The following PAK4 variants were observed in gnomAD, a reference collection of about 807,000 sequenced individuals.
PAK4 encodes the protein serine/threonine-protein kinase PAK 4.
PAK4 carries 49 observed loss-of-function variants against 53.5 expected under a neutral mutation model. That is an observed-to-expected ratio of 0.92 (90% CI 0.73 to 1.16). PAK4 has a LOEUF of 1.16. Among genes scored for constraint, PAK4 ranks in the 50% most tolerant of loss-of-function variants. The pLI is 0.00. For synonymous variants in PAK4, 376 were observed against 375.6 expected (o/e 1.00, Z -0.01); for missense variants, 824 against 850.7 (o/e 0.97, Z 0.39).
At chr19:39,132,981 C>T (rs568028325) in intron 1 of PAK4, among the ~76,000 whole-genome samples, 2 of 152,362 alleles carry the variant, frequency 1.3e-5, no homozygotes, top group Non-Finnish European at 2.9e-5. Context: ...ATTTTACTTT[C>T]TCTGAGAAGG....
chr19:39,173,619 G>A lies in PAK4; in HGVS notation c.707G>A (p.Gly236Asp), dbSNP rs368557621. 54 of 1,542,184 alleles carry A rather than the reference G, an allele frequency of 3.5e-5. No individual in the cohort carries two copies. The South Asian group carries it at 3.5e-4, about 10-fold the overall frequency. The change falls in exon 4 of 9, where the codon GGC becomes GAC. Residue 236 changes from glycine to aspartate, a missense_variant. Gly to Asp is a moderately conservative substitution (Grantham distance 94). Coordinates refer to ENST00000358301, the Ensembl canonical transcript of PAK4. The surrounding 1 kb of genome is among the most constrained non-coding windows in gnomAD (Gnocchi z 6.9). ...GCCCCTAACGGGCCATCAGCGGGGGGCCTGGCCATCCCCCAGTCCTCCTCC... is the reference window on the plus strand; with the variant it reads ...GCCCCTAACGGGCCATCAGCGGGGGACCTGGCCATCCCCCAGTCCTCCTCC...
At chr19:39,140,917 C>G (rs1404896492) in intron 1 of PAK4, among the ~76,000 whole-genome samples, 1 of 152,160 alleles carries the variant, frequency 6.6e-6, no homozygotes, top group Non-Finnish European at 1.5e-5. Context: ...AGAACAGGGC[C>G]ACTGTCATTA....
intron 1 of PAK4, among the ~76,000 whole-genome samples, chr19:39,159,790 C>T (rs2074253966): frequency 6.6e-6 from 1 of 152,184 alleles, no homozygotes; most frequent in Non-Finnish European, 1.5e-5. Flanking sequence ...CATGCAGAGG[C>T]CTGGTGGCGG....
intron 1 of PAK4, chr19:39,152,317 C>G (rs756434437): frequency 6.6e-6 from 1 of 152,262 alleles, no homozygotes; most frequent in South Asian, 2.1e-4. Flanking sequence ...GGTGTATGTG[C>G]TACCCATCTG....
intron 2 of PAK4, among the ~76,000 whole-genome samples, chr19:39,170,000 C>T (rs1331738057): frequency 6.6e-6 from 1 of 152,160 alleles, no homozygotes; most frequent in Admixed American, 6.5e-5. Context: ...TCTGACAGCC[C>T]CCACACCAGC....
chr19:39,169,005 G>A (rs1428969013), intron 1 of PAK4, among the ~76,000 whole-genome samples: 4 of 152,166 alleles, frequency 2.6e-5, no homozygotes, highest in East Asian at 1.9e-4. Flanking sequence ...CTAGCGGTGC[G>A]GTGTGGATGC....
rs1156264264 is a variant in PAK4 at position 39,173,116 on chromosome 19, C to T, written c.403C>T (p.Arg135Ter). The T allele has an allele frequency of 3.2e-6, 5 of 1,547,188 alleles. No homozygotes were observed. Among genetic ancestry groups the T allele is most frequent in the Non-Finnish European group, 4.4e-6 (5 of 1,145,572 alleles). The change falls in exon 3 of 9, where the codon CGA becomes TGA. Residue 135 changes from arginine to a stop codon, truncating the protein, a stop_gained. Coordinates refer to ENST00000358301, the Ensembl canonical transcript of PAK4. LOFTEE classifies it high-confidence loss of function. This position sits in a 1 kb window ranked among gnomAD's most constrained non-coding sequence, Gnocchi z 6.9. ...AGGGGGCCCAGGGAAGGCAGGCAGC[C>T]GAGGCCGGTTCGCCGGTCACAGCGA...
At chr19:39,129,816 G>A (rs1237936685) in intron 1 of PAK4, among the ~76,000 whole-genome samples, 1 of 152,190 alleles carries the variant, frequency 6.6e-6, no homozygotes. Flanking sequence ...GGGGGCAGGT[G>A]CCAGGGGTGA....
At chr19:39,175,000 G>A (rs780200774) in exon 5 of PAK4, 35 of 1,613,908 alleles carry the variant, frequency 2.2e-5, no homozygotes, top group East Asian at 1.1e-4. Flanking sequence ...GGTGGGGGAC[G>A]AGCTCTGGGT....
At chr19:39,150,709 G>T (rs1317110049) in intron 1 of PAK4, among the ~76,000 whole-genome samples, 1 of 152,082 alleles carries the variant, frequency 6.6e-6, no homozygotes. Context: ...GGACAACGTA[G>T]TGAGACCTTG....
chr19:39,152,424 A>G (rs908465820), intron 1 of PAK4: 1 of 152,166 alleles, frequency 6.6e-6, no homozygotes, highest in African/African-American at 2.4e-5. Context: ...ATTGTCCCCA[A>G]AGTGCAAGAG....
chr19:39,128,789 C>T (rs549673121), intron 1 of PAK4, among the ~76,000 whole-genome samples: 1 of 152,344 alleles, frequency 6.6e-6, no homozygotes, highest in South Asian at 2.1e-4. Context: ...TGCAGCCTTT[C>T]ATACTTTGAC....
At chr19:39,155,151 A>G (rs2074157323) in intron 1 of PAK4, among the ~76,000 whole-genome samples, 1 of 152,128 alleles carries the variant, frequency 6.6e-6, no homozygotes, top group South Asian at 2.1e-4. Flanking sequence ...CTGGGTGCCC[A>G]TCCTGGGTCC....
intron 1 of PAK4, chr19:39,152,214 A>G (rs537288408): frequency 6.6e-6 from 1 of 152,168 alleles, no homozygotes; most frequent in African/African-American, 2.4e-5. Context: ...GATTACAGGC[A>G]GGAGCCACTG....
chr19:39,126,596 C>CTA (rs959993071), intron 1 of PAK4, among the ~76,000 whole-genome samples: 1 of 152,070 alleles, frequency 6.6e-6, no homozygotes, highest in Non-Finnish European at 1.5e-5. Flanking sequence ...TCAGTCCTCA[C>CTA]TATAGTCTTA....
At chr19:39,180,817 TAGC>T (rs1405804165), downstream of PAK4, 1 of 152,198 alleles carries the variant, frequency 6.6e-6, no homozygotes, top group African/African-American at 2.4e-5. Context: ...TCCAGAAAGA[TAGC>T]AGCTCAGGAG....
chr19:39,169,064 C>A (rs922389213), intron 1 of PAK4, among the ~76,000 whole-genome samples: 1 of 152,152 alleles, frequency 6.6e-6, no homozygotes, highest in Non-Finnish European at 1.5e-5. Flanking sequence ...TCCATGAGTT[C>A]CGGGCTGTGA....
chr19:39,177,683 C>G, exon 8 of PAK4: 1 of 1,612,824 alleles, frequency 6.2e-7, no homozygotes, highest in Non-Finnish European at 8.5e-7. Flanking sequence ...AGGTAGACAT[C>G]TGGTCGCTGG....
Position 39,173,580 on chromosome 19 carries a change from A to G in PAK4, c.668A>G (p.Glu223Gly), listed in dbSNP as rs371684690. Reference sequence around the variant, plus strand: ...GCTACCTCTCTTCTGTTTCAGGGGGAGCCTCATGACGTGGCCCCTAACGGG... The same window carrying G: ...GCTACCTCTCTTCTGTTTCAGGGGGGGCCTCATGACGTGGCCCCTAACGGG... Residue 223 changes from glutamate (E) to glycine (G), a missense_variant, in exon 4 of 9, where the codon GAG (glutamate) becomes GGG (glycine). By Grantham distance (98) the Glu-to-Gly change is moderately conservative (BLOSUM62 -2). Around this residue, in one of 2 missense-constraint regions of PAK4, gnomAD observed 478 missense variants for 435.8 expected, o/e 1.10. Coordinates refer to ENST00000358301, the Ensembl canonical transcript of PAK4. The surrounding 1 kb of genome is among the most constrained non-coding windows in gnomAD (Gnocchi z 6.9). The G allele has an allele frequency of 5.1e-5, 77 of 1,518,858 alleles. No individual in the cohort carries two copies. Among genetic ancestry groups the G allele is most frequent in the Non-Finnish European group, 4.4e-6 (5 of 1,134,878 alleles). The allele number at this position is 1,518,858 out of a possible 1,614,324, so 94.1% of individuals were successfully genotyped here.
Sources: allele counts gnomAD v4.1 joint callset (sites outside exome capture counted in the v4.1 genomes callset), GRCh38; gene constraint gnomAD v4.1.1; regional missense constraint gnomAD v4.1.1; non-coding constraint Gnocchi (gnomAD v3.1); transcripts MANE v1.5; gene names NCBI Gene and HGNC (gene_info 2026-07-23, HGNC 2026-07-21).